SEC16A: variants seen among roughly 807,000 people sequenced by gnomAD.
SEC16A encodes the protein protein transport protein Sec16A.
In SEC16A, 110 loss-of-function variants were observed where a neutral mutation model predicts 221.9. That is an observed-to-expected ratio of 0.50 (90% CI 0.42 to 0.58). The LOEUF (loss-of-function observed/expected upper bound fraction) is 0.58. Among genes scored for constraint, SEC16A ranks in the 20% least tolerant of loss-of-function variants. The pLI, the probability that SEC16A is intolerant of heterozygous loss-of-function variation, is 0.00. For synonymous variants in SEC16A, 1,393 were observed against 1,257.7 expected (o/e 1.11, Z -2.28); for missense variants, 3,165 against 3,097.8 (o/e 1.02, Z -0.52).
intron 20 of SEC16A, 26 bp downstream of exon 20, chr9:136,455,575 G>C: frequency 6.6e-7 from 1 of 1,524,844 alleles, no homozygotes; most frequent in Non-Finnish European, 8.8e-7. Flanking sequence ...CTTGTCTGAG[G>C]GCAGCAGCCG....
At position 136,476,145 on chromosome 9, in the gene SEC16A, G is replaced by A; in HGVS notation, c.1471C>T (p.Pro491Ser). The part of the protein sequence containing the change: ...SSPSDQFRYG[P>S]LPGPAVPRHG... ...CTGGGCACAGCTGGCCCAGGAAGGG[G>A]CCCATATCTGAACTGGTCACTCGGG... The change falls in exon 3 of 32, where the codon CCC (proline) becomes TCC (serine). Residue 491 changes from proline (P) to serine (S), a missense_variant. Transcript: ENST00000684901. 6.2e-7 allele frequency: 1 copy of A among 1,613,846 alleles called. No individual in the cohort carries two copies. The highest frequency in any genetic ancestry group is 2.2e-5 in the East Asian group (1 of 44,886).
intron 28 of SEC16A, among the ~76,000 whole-genome samples, chr9:136,446,399 A>C (rs1257717094): frequency 9.2e-5 from 13 of 141,298 alleles, no homozygotes; most frequent in Non-Finnish European, 1.4e-4. Context: ...ATCATCCACC[A>C]CTCCCGACTG....
intron 29 of SEC16A, 74 bp from the exon 30 acceptor site, chr9:136,445,185 C>CA (rs1836797081): frequency 7.6e-7 from 1 of 1,314,048 alleles, no homozygotes; most frequent in African/African-American, 1.5e-5. Flanking sequence ...TCCAAGCTGT[C>CA]AGTTCCATTT....
Position 136,463,541 on chromosome 9 carries a change from C to T in SEC16A, c.4569G>A (p.Leu1523=). 6.2e-7 allele frequency: 1 copy of T among 1,613,888 alleles called. No homozygotes were observed. The highest frequency in any genetic ancestry group is 8.5e-7 in the Non-Finnish European group (1 of 1,179,864). Reference sequence around the variant, plus strand: ...CTTTGTCAATTAAGTTTTCATTCTGCAAACATTTCATAGCTTTGTTCTGTG... The same window carrying T: ...CTTTGTCAATTAAGTTTTCATTCTGTAAACATTTCATAGCTTTGTTCTGTG... ...NFAQNKAMKC[L]QNENLIDKES... is the part of the protein sequence containing the mutation. The change falls in exon 11 of 32, where the codon TTG becomes TTA. Residue 1523 remains leucine (L), a synonymous_variant. Coordinates refer to ENST00000684901, the MANE Select transcript of SEC16A (RefSeq NM_014866.2).
intron 20 of SEC16A, among the ~76,000 whole-genome samples, chr9:136,455,036 T>C (rs578019266): frequency 2.6e-5 from 4 of 151,952 alleles, no homozygotes; most frequent in African/African-American, 7.2e-5. Flanking sequence ...TCAGGTGAGA[T>C]GGAGAGTCTG....
chr9:136,460,099 G>A lies in SEC16A; in HGVS notation c.5016C>T (p.Asn1672=), dbSNP rs780724911. 15 of 1,607,234 alleles carry A rather than the reference G, an allele frequency of 9.3e-6. No individual in the cohort carries two copies. The highest frequency in any genetic ancestry group is 6.7e-5 in the East Asian group (3 of 44,638). ...GCTGGTAGACTGTCTGCAGAGGGTC[G>A]TTGATTGGGAGGCTGTTAGCAAACC... The part of the protein sequence containing the change: ...MTRFANSLPI[N]DPLQTVYQLM... The change falls in exon 14 of 32, where the codon AAC becomes AAT. Residue 1672 remains asparagine (N), a synonymous_variant. Transcript: ENST00000684901.
intron 28 of SEC16A, 81 bp from the exon 29 acceptor site, chr9:136,445,800 G>C (rs1163784517): frequency 9.7e-6 from 12 of 1,241,414 alleles, no homozygotes; most frequent in Non-Finnish European, 5.7e-6. Flanking sequence ...ATATGAAACT[G>C]TTCTGGCCTG....
At chr9:136,464,347 A>T (rs1839884427) in intron 9 of SEC16A, 73 bp downstream of exon 9, 3 of 1,421,424 alleles carry the variant, frequency 2.1e-6, no homozygotes, top group Non-Finnish European at 2.9e-6. Context: ...ACAATTGAAG[A>T]TGACAAACTG....
Position 136,444,307 on chromosome 9 carries a change from ACAGGCAGAAGATGAAGCGTTCGTT to A in SEC16A, c.6928-431_6928-408del, listed in dbSNP as rs571530939. ...AGCCACGGCTGCAGCTGGTGCCTGG[ACAGGCAGAAGATGAAGCGTTCGTT>A]CACCTCCCTCCCACATTGGCCGCAG... On this transcript the variant is annotated intron_variant, in intron 30 of 31. Transcript: ENST00000684901. Among the ~76,000 whole-genome samples the A allele has an allele frequency of 1.2e-3, 180 of 152,312 alleles. 7 individuals are homozygous for A. The South Asian group carries it at 0.036, about 30-fold the overall frequency.
chr9:136,464,225 A>G lies in SEC16A; in HGVS notation c.4446+195T>C, dbSNP rs1839871109. On this transcript the variant is annotated intron_variant, in intron 9 of 31. Transcript: ENST00000684901. The stretch of plus-strand genomic sequence containing the variant: ...TGAACACCCAAGGCAGACGCTTACA[A>G]TACTGACTTCTAGGAGGAAAAATAT... 2.0e-5 allele frequency among the ~76,000 whole-genome samples: 3 copies of G among 152,272 alleles called. No individual in the cohort carries two copies. In the South Asian group the frequency reaches 6.2e-4, roughly 31 times the overall value.
At chr9:136,479,359 A>ATTTTTTTTTTTTTTTTTTTTTTTTTT (rs36126121) in intron 1 of SEC16A, among the ~76,000 whole-genome samples, 1 of 147,970 alleles carries the variant, frequency 6.8e-6, no homozygotes, top group African/African-American at 2.5e-5. Context: ...TAATCCACAC[A>ATTTTTTTTTTTTTTTTTTTTTTTTTT]TTTTTTTTTT....
chr9:136,476,907 C>T lies in SEC16A; in HGVS notation c.709G>A (p.Val237Ile), dbSNP rs1311701360. The T allele has an allele frequency of 1.9e-6, 3 of 1,611,774 alleles. No homozygotes were observed. The highest frequency in any genetic ancestry group is 2.2e-5 in the South Asian group (2 of 91,066). The part of the protein sequence containing the change: ...QHRSPCPEGP[V>I]PSGVPCATSV... ...GTGGCACAGGGCACCCCGCTGGGAACAGGTCCTTCAGGGCAGGGTGAACGA... is the reference window on the plus strand; with the variant it reads ...GTGGCACAGGGCACCCCGCTGGGAATAGGTCCTTCAGGGCAGGGTGAACGA... The change falls in exon 3 of 32, where the codon GTT becomes ATT. Residue 237 changes from valine (V) to isoleucine (I), a missense_variant. Coordinates refer to ENST00000684901, the MANE Select transcript of SEC16A (RefSeq NM_014866.2).
rs552060329 is a variant in SEC16A at position 136,464,356 on chromosome 9, T to A, written c.4446+64A>T. 399 of 1,484,560 alleles carry A rather than the reference T, an allele frequency of 2.7e-4. 1 individual carries two copies. Among genetic ancestry groups the A allele is most frequent in the Non-Finnish European group, 3.4e-4 (376 of 1,099,896 alleles). 92.0% of individuals were successfully genotyped at this position (1,484,560 alleles called of 1,614,324 possible). A position where few individuals can be genotyped will look rare whatever the true frequency, so the allele number is the denominator to read the frequency against. On this transcript the variant is annotated intron_variant, in intron 9 of 31. Coordinates refer to ENST00000684901, the MANE Select transcript of SEC16A (RefSeq NM_014866.2). ...GGTCTGACAATTGAAGATGACAAACTGCAAAGCAGAGAGTTCCCCAGGGCA... is the reference window on the plus strand; with the variant it reads ...GGTCTGACAATTGAAGATGACAAACAGCAAAGCAGAGAGTTCCCCAGGGCA...
At position 136,451,377 on chromosome 9, in the gene SEC16A, G is replaced by T. The variant is rs760025987; in HGVS notation, c.6191C>A (p.Ala2064Asp). The T allele has an allele frequency of 6.2e-7, 1 of 1,611,930 alleles. No individual in the cohort carries two copies. Among genetic ancestry groups the T allele is most frequent in the African/African-American group, 1.3e-5 (1 of 74,890 alleles). ...TPSRTVPDSE[A>D]PPGWDRADSG... The stretch of plus-strand genomic sequence containing the variant: ...GTCGGCACGATCCCACCCTGGGGGG[G>T]CCTCCGAGTCTGGCACCGTCCTCGA... Residue 2064 changes from alanine to aspartate, a missense_variant, in exon 23 of 32, where the codon GCC (alanine) becomes GAC (aspartate). Around this residue, in one of 3 missense-constraint regions of SEC16A, gnomAD observed 1,088 missense variants for 1,089.6 expected, o/e 1.00. Coordinates refer to ENST00000684901, the MANE Select transcript of SEC16A (RefSeq NM_014866.2).
At chr9:136,453,285 G>C (rs1838132131) in intron 22 of SEC16A, 143 bp downstream of exon 22, 1 of 592,054 alleles carries the variant, frequency 1.7e-6, no homozygotes, top group South Asian at 2.1e-5. Flanking sequence ...AAGCTATTTA[G>C]AAGCACTTTC....
intron 23 of SEC16A, chr9:136,448,377 G>A (rs1261925847): frequency 1.4e-6 from 1 of 704,152 alleles, no homozygotes; most frequent in Non-Finnish European, 2.6e-6. Context: ...GAGGATGGAG[G>A]TGGGGGGCGA....
At chr9:136,470,316 T>C (rs1396005557) in intron 4 of SEC16A, among the ~76,000 whole-genome samples, 1 of 152,192 alleles carries the variant, frequency 6.6e-6, no homozygotes, top group Non-Finnish European at 1.5e-5. Flanking sequence ...GCCTTCTCCG[T>C]AGCACGAGCC....
chr9:136,467,236 A>G (rs1840277397), intron 5 of SEC16A, among the ~76,000 whole-genome samples, 153 bp from the exon 6 acceptor site: 1 of 152,256 alleles, frequency 6.6e-6, no homozygotes, highest in Non-Finnish European at 1.5e-5. Context: ...GACACCAGGA[A>G]GCCATGAGAT....
chr9:136,457,330 C>T (rs935943188), intron 18 of SEC16A, 114 bp downstream of exon 18: 52 of 1,191,666 alleles, frequency 4.4e-5, no homozygotes, highest in Admixed American at 5.5e-5. Flanking sequence ...AGGTTCTGAG[C>T]GCCTACCACA....
Sources: allele counts gnomAD v4.1 joint callset (sites outside exome capture counted in the v4.1 genomes callset), GRCh38; gene constraint gnomAD v4.1.1; regional missense constraint gnomAD v4.1.1; transcripts MANE v1.5; gene names NCBI Gene and HGNC (gene_info 2026-07-23, HGNC 2026-07-21).